Variants in HCN1 observed in about 807,000 individuals in gnomAD.
The protein encoded by HCN1 is potassium/sodium hyperpolarization-activated cyclic nucleotide-gated channel 1.
Under a neutral mutation model 78.9 loss-of-function variants are expected in HCN1, and 13 were observed. The ratio of observed to expected loss-of-function variants is 0.16; its 90% CI spans 0.11 to 0.26. The LOEUF is 0.26. Ranked by LOEUF, HCN1 falls within the 10% of genes least tolerant of loss-of-function variation. The pLI, the probability that HCN1 is intolerant of heterozygous loss-of-function variation, is 1.00. For synonymous variants in HCN1, 552 were observed against 455.5 expected (o/e 1.21, Z -2.70); for missense variants, 810 against 1,154.3 (o/e 0.70, Z 4.32).
chr5:45,494,447 G>T (rs1248263743), intron 2 of HCN1, among the ~76,000 whole-genome samples: 1 of 151,638 alleles, frequency 6.6e-6, no homozygotes, highest in African/African-American at 2.4e-5. Flanking sequence ...TGATGGGGTT[G>T]TTTGTTTTTT....
rs571130573 is a variant in HCN1, at chr5:45,291,924, A to G, written c.1618+11675T>C. 6.6e-5 allele frequency among the ~76,000 whole-genome samples: 10 copies of G among 152,150 alleles called. No individual in the cohort carries two copies. The South Asian group carries it at 2.1e-3, about 32-fold the overall frequency. Reference sequence around the variant, plus strand: ...ATCAAATATTATTTGAAATTATTTTATGTATACATTTGTTTATTGTTTATT... The same window carrying G: ...ATCAAATATTATTTGAAATTATTTTGTGTATACATTTGTTTATTGTTTATT... On this transcript the variant is annotated intron_variant, in intron 6 of 7. Coordinates refer to ENST00000303230, the MANE Select transcript of HCN1 (RefSeq NM_021072.4).
At position 45,261,454 on chromosome 5, in the gene HCN1, C is replaced by A. The variant is rs1744733908; in HGVS notation, c.*467G>T. 1 of 154,246 alleles carries A rather than the reference C, an allele frequency of 6.5e-6. No homozygotes were observed. The allele number at this position is 154,246 out of a possible 1,614,324, so 9.6% of individuals were successfully genotyped here. ...ATGGGATTTGTTATTTAATTCTCCA[C>A]CATTAATGATTAACAATTTAGATGC... On this transcript the variant is annotated 3_prime_UTR_variant, in exon 8 of 8. Transcript: ENST00000303230.
chr5:45,428,921 G>C (rs1048556624), intron 3 of HCN1, among the ~76,000 whole-genome samples: 9 of 152,120 alleles, frequency 5.9e-5, no homozygotes, highest in South Asian at 2.1e-4. Context: ...GTCAATAAAG[G>C]CTTGAGAGAA....
rs1739691061 is a variant in HCN1, at chr5:45,396,539, C to T, written c.1183G>A (p.Ala395Thr). Residue 395 changes from alanine to threonine, a missense_variant, in exon 4 of 8, where the codon GCT becomes ACT. Ala to Thr is a moderately conservative substitution (Grantham distance 58). Around this residue, in one of 6 missense-constraint regions of HCN1, gnomAD observed 104 missense variants for 402.8 expected, o/e 0.26. Coordinates refer to ENST00000303230, the MANE Select transcript of HCN1 (RefSeq NM_021072.4). ...GAAGAATCCAGAGACTGGATTAAAG[C>T]GGTGGCATGGCCGACAAACATGGCA... ...CYAMFVGHAT[A>T]LIQSLDSSRR... The T allele has an allele frequency of 3.1e-6, 5 of 1,613,716 alleles. No homozygotes were observed. Among genetic ancestry groups the T allele is most frequent in the Non-Finnish European group, 4.2e-6 (5 of 1,179,868 alleles).
intron 6 of HCN1, among the ~76,000 whole-genome samples, chr5:45,289,140 C>T (rs1745324302): frequency 6.6e-6 from 1 of 151,956 alleles, no homozygotes; most frequent in South Asian, 2.1e-4. Context: ...CATTATCTTT[C>T]CTATGGACAT....
rs1294235819 is a variant in HCN1 at position 45,255,403 on chromosome 5, C to T, written c.*6518G>A. On this transcript the variant is annotated 3_prime_UTR_variant, in exon 8 of 8. Transcript: ENST00000303230. ...TTCCAATTTTTTCAATATTAATACA[C>T]ATATGAATCATCTGGGGATCTTGCC... 2 of 152,220 alleles carry T rather than the reference C, an allele frequency of 1.3e-5. No homozygotes were observed. Among genetic ancestry groups the T allele is most frequent in the South Asian group, 2.1e-4 (1 of 4,832 alleles). The allele number at this position is 152,220 out of a possible 1,614,324, so 9.4% of individuals were successfully genotyped here. A position where few individuals can be genotyped will look rare whatever the true frequency, so the allele number is the denominator to read the frequency against.
At chr5:45,443,303 C>A (rs959918816) in intron 3 of HCN1, among the ~76,000 whole-genome samples, 2 of 151,930 alleles carry the variant, frequency 1.3e-5, no homozygotes, top group African/African-American at 4.8e-5. Context: ...GTACTTTCTC[C>A]ATTTTTCTTG....
intron 2 of HCN1, among the ~76,000 whole-genome samples, chr5:45,638,809 G>C (rs181708165): frequency 6.6e-6 from 1 of 152,218 alleles, no homozygotes; most frequent in East Asian, 1.9e-4. Flanking sequence ...GGCTGAGACA[G>C]GAGAATCACT....
At chr5:45,658,530 C>T (rs1745833995) in intron 1 of HCN1, among the ~76,000 whole-genome samples, 1 of 152,146 alleles carries the variant, frequency 6.6e-6, no homozygotes. Flanking sequence ...TTCTGCATTT[C>T]CATCTGAGGT....
chr5:45,262,933 GTCAC>G, intron 7 of HCN1, 123 bp from the exon 8 acceptor site: 1 of 1,005,272 alleles, frequency 9.9e-7, no homozygotes, highest in Non-Finnish European at 1.5e-6. Context: ...TAAAAAGCCA[GTCAC>G]TCACCTTTAC....
chr5:45,414,170 TAGACTAAGCAGG>T (rs1165782450), intron 3 of HCN1, among the ~76,000 whole-genome samples: 1 of 152,010 alleles, frequency 6.6e-6, no homozygotes, highest in African/African-American at 2.4e-5. Flanking sequence ...TACCACTCAA[TAGACTAAGCAGG>T]AGAAAATCTT....
At chr5:45,346,216 C>A (rs569630492) in intron 5 of HCN1, among the ~76,000 whole-genome samples, 1 of 152,306 alleles carries the variant, frequency 6.6e-6, no homozygotes, top group East Asian at 1.9e-4. Flanking sequence ...AATGTAGAAG[C>A]TACAGTTCAA....
intron 1 of HCN1, among the ~76,000 whole-genome samples, chr5:45,649,842 A>G (rs1745643359): frequency 1.3e-5 from 2 of 152,134 alleles, no homozygotes; most frequent in Admixed American, 1.3e-4. Flanking sequence ...CTTTTATAAT[A>G]AGCCAAAGAG....
chr5:45,315,012 G>A (rs1392961690), intron 5 of HCN1, among the ~76,000 whole-genome samples: 1 of 152,084 alleles, frequency 6.6e-6, no homozygotes, highest in Non-Finnish European at 1.5e-5. Context: ...CAACGAGACA[G>A]AAAGTTAACC....
intron 4 of HCN1, among the ~76,000 whole-genome samples, chr5:45,371,836 T>G (rs1186742940): frequency 2.3e-5 from 3 of 130,054 alleles, no homozygotes; most frequent in African/African-American, 8.6e-5. Flanking sequence ...ACTATTTATA[T>G]TATATATAAA....
At chr5:45,491,355 TACTCC>T (rs1741881042) in intron 2 of HCN1, among the ~76,000 whole-genome samples, 1 of 152,150 alleles carries the variant, frequency 6.6e-6, no homozygotes, top group Non-Finnish European at 1.5e-5. Flanking sequence ...TTGGTGTCCA[TACTCC>T]AACAAACACA....
intron 4 of HCN1, among the ~76,000 whole-genome samples, chr5:45,384,669 A>T (rs2112028875): frequency 6.6e-6 from 1 of 152,262 alleles, no homozygotes; most frequent in Non-Finnish European, 1.5e-5. Context: ...TCTAGCTCTC[A>T]GTGAGGTCTT....
intron 2 of HCN1, among the ~76,000 whole-genome samples, chr5:45,473,625 C>G (rs1290463250): frequency 1.3e-5 from 2 of 150,990 alleles, no homozygotes; most frequent in Non-Finnish European, 3.0e-5. Flanking sequence ...CATTAATTAC[C>G]TCCTGTCTTC....
chr5:45,310,762 C>A (rs1399687096), intron 5 of HCN1, among the ~76,000 whole-genome samples: 1 of 152,014 alleles, frequency 6.6e-6, no homozygotes, highest in Non-Finnish European at 1.5e-5. Context: ...TGGAATCAAC[C>A]CAAATGCTCA....
Sources: allele counts gnomAD v4.1 joint callset (sites outside exome capture counted in the v4.1 genomes callset), GRCh38; gene constraint gnomAD v4.1.1; regional missense constraint gnomAD v4.1.1; transcripts MANE v1.5; gene names NCBI Gene and HGNC (gene_info 2026-07-23, HGNC 2026-07-21).